The following PTPRN2 variants were observed in gnomAD, a reference collection of about 807,000 sequenced individuals.
PTPRN2 encodes protein tyrosine phosphatase receptor type N2.
A neutral mutation model predicts 118.8 loss-of-function variants in PTPRN2; 74 were observed. That is an observed-to-expected ratio of 0.62 (90% CI 0.52 to 0.76). The LOEUF is 0.76. PTPRN2 is among the 30% of genes least tolerant of loss of function. PTPRN2 has a pLI of 0.00. For synonymous variants in PTPRN2, 641 were observed against 608.0 expected (o/e 1.05, Z -0.80); for missense variants, 1,481 against 1,394.4 (o/e 1.06, Z -0.99).
chr7:157,888,137 G>A (rs1796592696), intron 12 of PTPRN2, among the ~76,000 whole-genome samples: 1 of 151,870 alleles, frequency 6.6e-6, no homozygotes, highest in Non-Finnish European at 1.5e-5. Flanking sequence ...TTGCTGGAGT[G>A]TTACACCCCA....
At chr7:157,959,493 T>C (rs1441009405) in intron 11 of PTPRN2, among the ~76,000 whole-genome samples, 4 of 152,166 alleles carry the variant, frequency 2.6e-5, no homozygotes, top group African/African-American at 9.7e-5. Context: ...CTAGAACATA[T>C]GTAAGACTCC....
chr7:158,475,729 T>C (rs1259401052), intron 2 of PTPRN2, among the ~76,000 whole-genome samples: 1 of 152,122 alleles, frequency 6.6e-6, no homozygotes, highest in Non-Finnish European at 1.5e-5. Flanking sequence ...AAATTGAACT[T>C]CCAAGCCAAG....
rs1263545 is a variant in PTPRN2 at position 157,611,061 on chromosome 7, C to T, written c.2345-6986G>A. 4.3e-3 allele frequency among the ~76,000 whole-genome samples: 649 copies of T among 152,326 alleles called. 2 individuals carry two copies. Among genetic ancestry groups the T allele is most frequent in the Middle Eastern group, 0.01 (3 of 294 alleles). ...ACCCACCACTCAGGAGGCACGCTGCCCACCGCTGAGCTGAATAACCGAGCG... is the reference window on the plus strand; with the variant it reads ...ACCCACCACTCAGGAGGCACGCTGCTCACCGCTGAGCTGAATAACCGAGCG... On this transcript the variant is annotated intron_variant, in intron 15 of 22. Transcript: ENST00000389418. The surrounding 1 kb of genome is among the most constrained non-coding windows in gnomAD (Gnocchi z 5.9).
chr7:158,559,520 G>A (rs948901228), intron 1 of PTPRN2, among the ~76,000 whole-genome samples: 4 of 152,080 alleles, frequency 2.6e-5, no homozygotes, highest in Admixed American at 1.3e-4. Context: ...CTGTCCCATC[G>A]CAGGGTGCAG....
At chr7:157,664,436 G>A (rs1796038399) in intron 13 of PTPRN2, among the ~76,000 whole-genome samples, 2 of 152,236 alleles carry the variant, frequency 1.3e-5, no homozygotes, top group Admixed American at 6.5e-5. Context: ...TCGCCACTAC[G>A]AATACTCTAA....
intron 1 of PTPRN2, among the ~76,000 whole-genome samples, chr7:158,521,847 TA>T (rs1374443211): frequency 2.4e-5 from 2 of 82,344 alleles, no homozygotes; most frequent in African/African-American, 4.6e-5. Flanking sequence ...ACTGTCCGGG[TA>T]GTGGCTCGGG....
chr7:157,648,578 C>T (rs1305378700), intron 14 of PTPRN2, among the ~76,000 whole-genome samples: 3 of 94,150 alleles, frequency 3.2e-5, no homozygotes, highest in Non-Finnish European at 4.3e-5. Context: ...ACCCATCCAG[C>T]ATGCACTGAA....
chr7:157,541,687 T>A (rs1210858476), intron 22 of PTPRN2, among the ~76,000 whole-genome samples: 1 of 152,230 alleles, frequency 6.6e-6, no homozygotes, highest in African/African-American at 2.4e-5. Flanking sequence ...AGCTAACAAC[T>A]TCTGGAAGGA....
intron 12 of PTPRN2, among the ~76,000 whole-genome samples, chr7:157,735,468 G>T (rs1000885534): frequency 6.6e-6 from 1 of 152,212 alleles, no homozygotes; most frequent in African/African-American, 2.4e-5. Context: ...ACTGTGTGCA[G>T]CGGCCCAGGA....
chr7:158,219,880 A>T (rs747700162), intron 3 of PTPRN2, among the ~76,000 whole-genome samples: 3 of 147,210 alleles, frequency 2.0e-5, no homozygotes, highest in African/African-American at 5.1e-5. Flanking sequence ...AATTGCTAAT[A>T]AAAAAAAAAC....
At chr7:158,162,804 G>A (rs535501664) in intron 6 of PTPRN2, among the ~76,000 whole-genome samples, 12 of 152,256 alleles carry the variant, frequency 7.9e-5, no homozygotes, top group South Asian at 2.1e-4. Context: ...TGTCATATGC[G>A]TTCAGCCCGC....
In PTPRN2 at chr7:157,597,166, G is replaced by A. The variant is rs781088086; in HGVS notation, c.2419-1851C>T. On this transcript the variant is annotated intron_variant, in intron 16 of 22. Coordinates refer to ENST00000389418, the MANE Select transcript of PTPRN2 (RefSeq NM_002847.5). ...GTAAGTTATTCTCACAGAACAACACGGTGACGCTAGCCGGGGGCTGGGGGG... is the reference window on the plus strand; with the variant it reads ...GTAAGTTATTCTCACAGAACAACACAGTGACGCTAGCCGGGGGCTGGGGGG... Among the ~76,000 whole-genome samples the A allele has an allele frequency of 1.2e-4, 18 of 152,318 alleles. 1 individual carries two copies. The highest frequency in any genetic ancestry group is 4.1e-4 in the South Asian group (2 of 4,830).
intron 11 of PTPRN2, among the ~76,000 whole-genome samples, chr7:157,910,372 G>A (rs983420067): frequency 6.1e-5 from 9 of 147,356 alleles, no homozygotes; most frequent in Non-Finnish European, 1.1e-4. Flanking sequence ...CACGTACGCC[G>A]GATCACGCAC....
chr7:158,330,858 T>C (rs1468652617), intron 2 of PTPRN2, among the ~76,000 whole-genome samples: 2 of 96,914 alleles, frequency 2.1e-5, no homozygotes, highest in Non-Finnish European at 4.2e-5. Flanking sequence ...CCATAAGAGC[T>C]GATGCCCGCA....
At position 157,627,424 on chromosome 7, in the gene PTPRN2, G is replaced by A. The variant is rs1355771114; in HGVS notation, c.2197-5915C>T. 1.3e-5 allele frequency among the ~76,000 whole-genome samples: 2 copies of A among 152,214 alleles called. No homozygotes were observed. The highest frequency in any genetic ancestry group is 3.9e-4 in the East Asian group (2 of 5,192). ...TCCATGAAGAGTGAAAACAGGGAGC[G>A]AAGAATTGGTGGTGAATCTCAGTCG... is the stretch of plus-strand genomic sequence containing the variant. On this transcript the variant is annotated intron_variant, in intron 14 of 22. Transcript: ENST00000389418. This position sits in a 1 kb window ranked among gnomAD's most constrained non-coding sequence, Gnocchi z 4.2.
intron 2 of PTPRN2, among the ~76,000 whole-genome samples, chr7:158,331,761 ACTCTCACCATAAGAG>A: frequency 6.6e-6 from 1 of 150,388 alleles, no homozygotes; most frequent in Non-Finnish European, 1.5e-5. Context: ...TCAAACTCAC[ACTCTCACCATAAGAG>A]CTGTCACGCA....
At chr7:158,087,224 G>A (rs1056803235) in intron 10 of PTPRN2, among the ~76,000 whole-genome samples, 28 of 152,284 alleles carry the variant, frequency 1.8e-4, no homozygotes, top group African/African-American at 4.8e-4. Context: ...CACAGTCCCC[G>A]CACGCTGTAC....
intron 1 of PTPRN2, chr7:158,539,575 C>CA (rs1337158083): frequency 5.6e-6 from 1 of 179,060 alleles, no homozygotes. Context: ...ACCTCCAGGA[C>CA]AGATGAGAGC....
In PTPRN2 at chr7:157,790,069, G is replaced by GGTGT. The variant is rs570671524; in HGVS notation, c.1789-107136_1789-107133dup. On this transcript the variant is annotated intron_variant, in intron 12 of 22. Coordinates refer to ENST00000389418, the MANE Select transcript of PTPRN2 (RefSeq NM_002847.5). The stretch of plus-strand genomic sequence containing the variant: ...TGGTGTTTGTGTGGTGTGAATGTGT[G>GGTGT]GTGTGTGTGTGTGGTGTGTGTGGTG... 8.0e-3 allele frequency among the ~76,000 whole-genome samples: 1,018 copies of GGTGT among 126,712 alleles called. 21 individuals carry two copies. Among genetic ancestry groups the GGTGT allele is most frequent in the South Asian group, 0.031 (100 of 3,246 alleles). The allele number at this position is 126,712 out of a possible 152,430, so 83.1% of individuals were successfully genotyped here. A position where few individuals can be genotyped will look rare whatever the true frequency, so the allele number is the denominator to read the frequency against.
Sources: gnomAD v4.1 joint callset for allele counts (sites outside exome capture counted in the v4.1 genomes callset) on GRCh38, gnomAD v4.1.1 for gene constraint, Gnocchi (gnomAD v3.1) non-coding constraint, MANE v1.5 for transcripts, NCBI Gene and HGNC (gene_info 2026-07-23, HGNC 2026-07-21) for gene names.